SEMA5A: variants seen among roughly 807,000 people sequenced by gnomAD.
SEMA5A encodes the protein semaphorin 5A.
SEMA5A carries 55 observed loss-of-function variants against 135.5 expected under a neutral mutation model. The observed-to-expected ratio is 0.41, with a 90% CI of 0.33 to 0.51. SEMA5A has a LOEUF of 0.51. Ranked by LOEUF, SEMA5A falls within the 20% of genes least tolerant of loss-of-function variation. The probability of loss-of-function intolerance (pLI) is 0.37; values close to 1 mark genes in which losing one functional copy is unlikely to be tolerated. For synonymous variants in SEMA5A, 580 were observed against 546.5 expected (o/e 1.06, Z -0.85); for missense variants, 1,290 against 1,419.9 (o/e 0.91, Z 1.47).
intron 1 of SEMA5A, among the ~76,000 whole-genome samples, chr5:9,440,678 G>T (rs538054547): frequency 6.6e-6 from 1 of 152,310 alleles, no homozygotes; most frequent in South Asian, 2.1e-4. Context: ...GAAGAAGATT[G>T]AATACCAATT....
chr5:9,539,425 T>C (rs934685444), intron 1 of SEMA5A, among the ~76,000 whole-genome samples: 1 of 152,208 alleles, frequency 6.6e-6, no homozygotes, highest in Non-Finnish European at 1.5e-5. Flanking sequence ...CTTGGAAATA[T>C]AAGAAAAAGC....
chr5:9,201,586 T>C (rs1745704794), intron 9 of SEMA5A, among the ~76,000 whole-genome samples: 1 of 152,220 alleles, frequency 6.6e-6, no homozygotes, highest in Non-Finnish European at 1.5e-5. Context: ...ATTTTCATTA[T>C]ACACAAATGC....
intron 12 of SEMA5A, among the ~76,000 whole-genome samples, chr5:9,143,873 A>T (rs958349993): frequency 2.0e-5 from 3 of 152,208 alleles, no homozygotes; most frequent in African/African-American, 7.2e-5. Flanking sequence ...CTTTCTAGAA[A>T]GGCCAAGACT....
intron 10 of SEMA5A, among the ~76,000 whole-genome samples, chr5:9,195,129 C>T (rs1055550859): frequency 2.6e-5 from 4 of 152,106 alleles, no homozygotes; most frequent in Non-Finnish European, 5.9e-5. Context: ...ACGAAATATG[C>T]ATTTACACAA....
At chr5:9,495,317 G>A (rs1735245143) in intron 1 of SEMA5A, among the ~76,000 whole-genome samples, 1 of 152,112 alleles carries the variant, frequency 6.6e-6, no homozygotes, top group African/African-American at 2.4e-5. Context: ...GCAAATTCAA[G>A]AGCTACCGTG....
intron 5 of SEMA5A, among the ~76,000 whole-genome samples, chr5:9,301,333 T>C (rs1458756195): frequency 1.3e-5 from 2 of 152,246 alleles, no homozygotes; most frequent in African/African-American, 4.8e-5. Flanking sequence ...TGCAACGTCA[T>C]TGAAATCTGT....
chr5:9,284,003 T>C (rs1190358102), intron 5 of SEMA5A, among the ~76,000 whole-genome samples: 2 of 151,620 alleles, frequency 1.3e-5, no homozygotes, highest in Non-Finnish European at 2.9e-5. Context: ...GATAGATAGA[T>C]AACAGATAAT....
intron 11 of SEMA5A, among the ~76,000 whole-genome samples, chr5:9,182,825 CTCT>C (rs1744595760): frequency 6.6e-6 from 1 of 151,944 alleles, no homozygotes; most frequent in Admixed American, 6.6e-5. Flanking sequence ...TTTTGTTATC[CTCT>C]GATTAATTCT....
chr5:9,520,422 C>T (rs538752822), intron 1 of SEMA5A, among the ~76,000 whole-genome samples: 34 of 152,094 alleles, frequency 2.2e-4, no homozygotes, highest in African/African-American at 7.5e-4. Flanking sequence ...GTGAGGGGAA[C>T]GTGAGCCTCT....
intron 3 of SEMA5A, among the ~76,000 whole-genome samples, chr5:9,338,550 T>C (rs1753498695): frequency 1.3e-5 from 2 of 152,210 alleles, no homozygotes; most frequent in African/African-American, 2.4e-5. Context: ...TTTTTGCAAC[T>C]TTCATTAGCT....
At chr5:9,213,339 C>T (rs1447870982) in intron 8 of SEMA5A, among the ~76,000 whole-genome samples, 6 of 152,186 alleles carry the variant, frequency 3.9e-5, no homozygotes, top group South Asian at 2.1e-4. Context: ...GAGAAAAAGA[C>T]GTTAAGTCCT....
intron 4 of SEMA5A, among the ~76,000 whole-genome samples, chr5:9,322,224 A>C (rs1042785507): frequency 6.6e-6 from 1 of 152,162 alleles, no homozygotes; most frequent in Non-Finnish European, 1.5e-5. Flanking sequence ...ATGGGCTGTA[A>C]AGGTACCCCT....
At chr5:9,271,701 G>A (rs1032125095) in intron 5 of SEMA5A, among the ~76,000 whole-genome samples, 3 of 152,178 alleles carry the variant, frequency 2.0e-5, no homozygotes, top group African/African-American at 4.8e-5. Context: ...GGACTTGTTG[G>A]ACAGTGGGTG....
chr5:9,250,034 T>C (rs113164157), intron 5 of SEMA5A, among the ~76,000 whole-genome samples: 1 of 152,146 alleles, frequency 6.6e-6, no homozygotes, highest in South Asian at 2.1e-4. Flanking sequence ...TGAATAAAAT[T>C]TTAAGCAAGA....
chr5:9,344,613 AAGAAGTCC>A (rs1753783358), intron 3 of SEMA5A, among the ~76,000 whole-genome samples: 1 of 152,226 alleles, frequency 6.6e-6, no homozygotes, highest in African/African-American at 2.4e-5. Flanking sequence ...CCCAGGCAGC[AAGAAGTCC>A]AGGGGAAAGA....
At position 9,195,420 on chromosome 5, in the gene SEMA5A, C is replaced by T. The variant is rs368619921; in HGVS notation, c.1068+1748G>A. Among the ~76,000 whole-genome samples, 27 of 152,244 alleles carry T rather than the reference C, an allele frequency of 1.8e-4. No individual in the cohort carries two copies. The East Asian group carries it at 4.8e-3, about 27-fold the overall frequency. On this transcript the variant is annotated intron_variant, in intron 10 of 22. Transcript: ENST00000382496. ...ATCCTGGCCTCAGGAGATCCTCCTG[C>T]CTTGGCCTCACAAAGCACTGTGATT...
At chr5:9,507,737 T>G (rs1735971493) in intron 1 of SEMA5A, among the ~76,000 whole-genome samples, 1 of 151,862 alleles carries the variant, frequency 6.6e-6, no homozygotes, top group African/African-American at 2.4e-5. Flanking sequence ...GGGTGCGGTG[T>G]CTCTCGCCTG....
intron 1 of SEMA5A, among the ~76,000 whole-genome samples, chr5:9,524,292 A>T (rs1374734104): frequency 6.6e-6 from 1 of 152,196 alleles, no homozygotes; most frequent in Non-Finnish European, 1.5e-5. Context: ...ACCCAGTCTC[A>T]GGCAGTTATT....
At chr5:9,300,367 C>T (rs1751558813) in intron 5 of SEMA5A, among the ~76,000 whole-genome samples, 1 of 152,150 alleles carries the variant, frequency 6.6e-6, no homozygotes, top group African/African-American at 2.4e-5. Flanking sequence ...GGGTGCTGAA[C>T]AGGATAGTCC....
Sources: allele counts gnomAD v4.1 joint callset (sites outside exome capture counted in the v4.1 genomes callset), GRCh38; gene constraint gnomAD v4.1.1; transcripts MANE v1.5; gene names NCBI Gene and HGNC (gene_info 2026-07-23, HGNC 2026-07-21).